Variants in FOXP1 observed in about 807,000 individuals in gnomAD.
FOXP1 encodes forkhead box P1, also known as forkhead box protein P1.
In FOXP1, 15 loss-of-function variants were observed where a neutral mutation model predicts 98.2. That is an observed-to-expected ratio of 0.15 (90% CI 0.10 to 0.24). FOXP1 has a LOEUF of 0.24. Ranked by LOEUF, FOXP1 falls within the 10% of genes least tolerant of loss-of-function variation. FOXP1 has a pLI of 1.00. For synonymous variants in FOXP1, 371 were observed against 314.5 expected, an observed-to-expected ratio of 1.18 and a Z score of -1.90; for missense variants, 633 against 848.5, an observed-to-expected ratio of 0.75 and a Z score of 3.15.
At chr3:71,272,427 C>T (rs147362200) in intron 5 of FOXP1, among the ~76,000 whole-genome samples, 159 of 152,188 alleles carry the variant, frequency 1.0e-3, no homozygotes, top group Non-Finnish European at 1.5e-3. Flanking sequence ...CCATATTGCT[C>T]CCATGGGTCT....
At chr3:71,385,818 A>T (rs922299888) in intron 3 of FOXP1, among the ~76,000 whole-genome samples, 1 of 151,564 alleles carries the variant, frequency 6.6e-6, no homozygotes, top group Non-Finnish European at 1.5e-5. Context: ...TTTTCCCCGC[A>T]CCTCTCTAAA....
At chr3:71,502,943 C>A in intron 2 of FOXP1, among the ~76,000 whole-genome samples, 1 of 142,716 alleles carries the variant, frequency 7.0e-6, no homozygotes, top group South Asian at 2.2e-4. Flanking sequence ...CTTTTGAGAT[C>A]TGTTTTCTGT....
Position 71,521,060 on chromosome 3 carries a change from T to C in FOXP1, c.-297-27505A>G, listed in dbSNP as rs142487655. 1.1e-4 allele frequency among the ~76,000 whole-genome samples: 16 copies of C among 152,216 alleles called. No individual in the cohort carries two copies. In the East Asian group the frequency reaches 1.9e-3, roughly 18 times the overall value. On this transcript the variant is annotated intron_variant, in intron 2 of 20. Coordinates refer to ENST00000649528, the MANE Select transcript of FOXP1 (RefSeq NM_001349338.3). ...ATAATGGGGAAAAAGCCATGATCCA[T>C]GAAGATGACAGAGAAATACAATTAA...
chr3:70,966,231 T>C, intron 19 of FOXP1, 175 bp from the exon 20 acceptor site: 1 of 664,192 alleles, frequency 1.5e-6, no homozygotes, highest in Non-Finnish European at 2.7e-6. Flanking sequence ...GTGGCACCTG[T>C]CCCAAGCTTG....
chr3:71,109,350 G>A (rs940157097), intron 7 of FOXP1, among the ~76,000 whole-genome samples: 5 of 151,920 alleles, frequency 3.3e-5, no homozygotes, highest in Admixed American at 1.3e-4. Flanking sequence ...TGAAACCAGA[G>A]AGCGCTGCCA....
chr3:71,569,975 A>G (rs2047211433), intron 2 of FOXP1, among the ~76,000 whole-genome samples: 2 of 152,072 alleles, frequency 1.3e-5, no homozygotes, highest in African/African-American at 4.8e-5. Context: ...GTTTCACTGT[A>G]TTAGCCAGGA....
chr3:71,201,368 G>C (rs558873754), intron 5 of FOXP1, among the ~76,000 whole-genome samples: 1 of 152,168 alleles, frequency 6.6e-6, no homozygotes, highest in Non-Finnish European at 1.5e-5. Context: ...GAAAAGAGCC[G>C]GGTGCAGTGG....
chr3:71,312,895 G>A (rs187464326), intron 4 of FOXP1, among the ~76,000 whole-genome samples: 26 of 152,226 alleles, frequency 1.7e-4, no homozygotes, highest in Non-Finnish European at 2.5e-4. Context: ...GGAGGCTGAG[G>A]TGGAAGAATT....
chr3:71,414,922 A>G (rs2083093831), intron 3 of FOXP1, among the ~76,000 whole-genome samples: 1 of 152,222 alleles, frequency 6.6e-6, no homozygotes, highest in African/African-American at 2.4e-5. Flanking sequence ...TTAATAATCC[A>G]TTACCATGTT....
rs549451083 is a variant in FOXP1, at chr3:71,440,108, T to A, written c.-168+53318A>T. ...AGAGTTGTCAAATTCATAGACAAAG[T>A]AGAATGCTGGTTGCCAGGGGAGGAG... is the stretch of plus-strand genomic sequence containing the variant. On this transcript the variant is annotated intron_variant, in intron 3 of 20. Coordinates refer to ENST00000649528, the MANE Select transcript of FOXP1 (RefSeq NM_001349338.3). Among the ~76,000 whole-genome samples, 3 of 152,150 alleles carry A rather than the reference T, an allele frequency of 2.0e-5. No homozygotes were observed. The East Asian group carries it at 5.8e-4, about 29-fold the overall frequency.
At chr3:71,090,695 T>A (rs1439604490) in intron 7 of FOXP1, among the ~76,000 whole-genome samples, 1 of 152,168 alleles carries the variant, frequency 6.6e-6, no homozygotes, top group Non-Finnish European at 1.5e-5. Flanking sequence ...GGAAGCATGA[T>A]CATTGCACTC....
chr3:71,582,268 C>T (rs552537505), intron 1 of FOXP1: 4 of 983,962 alleles, frequency 4.1e-6, no homozygotes, highest in South Asian at 9.4e-5. Context: ...AGTTTCCGAG[C>T]GCGACGTTGT....
chr3:71,044,150 T>C (rs2048715907), intron 10 of FOXP1, among the ~76,000 whole-genome samples: 1 of 152,138 alleles, frequency 6.6e-6, no homozygotes, highest in Non-Finnish European at 1.5e-5. Flanking sequence ...ACAGCTAAGA[T>C]CTCATGTTAG....
At chr3:71,567,233 C>A (rs2046980301) in intron 2 of FOXP1, among the ~76,000 whole-genome samples, 1 of 151,920 alleles carries the variant, frequency 6.6e-6, no homozygotes, top group African/African-American at 2.4e-5. Flanking sequence ...AGAAACAATT[C>A]TCATTATTAA....
At chr3:71,534,634 T>C (rs2044143617) in intron 2 of FOXP1, among the ~76,000 whole-genome samples, 1 of 152,212 alleles carries the variant, frequency 6.6e-6, no homozygotes, top group African/African-American at 2.4e-5. Flanking sequence ...ATGCAGATCT[T>C]TGGCTCAACC....
chr3:71,371,958 A>C (rs964842170), intron 3 of FOXP1, among the ~76,000 whole-genome samples: 1 of 151,926 alleles, frequency 6.6e-6, no homozygotes, highest in South Asian at 2.1e-4. Context: ...TCTCTGCAGG[A>C]AAGGTTCTTC....
At chr3:71,458,214 T>G (rs947384924) in intron 3 of FOXP1, among the ~76,000 whole-genome samples, 1 of 152,246 alleles carries the variant, frequency 6.6e-6, no homozygotes, top group Non-Finnish European at 1.5e-5. Context: ...TCAAGAAAGA[T>G]GCAGCCCAGA....
chr3:71,492,859 T>C (rs1194967743), intron 3 of FOXP1, among the ~76,000 whole-genome samples: 3 of 152,220 alleles, frequency 2.0e-5, no homozygotes, highest in Non-Finnish European at 4.4e-5. Context: ...AATATCATCA[T>C]GTCCTTTCTA....
intron 3 of FOXP1, among the ~76,000 whole-genome samples, chr3:71,440,276 A>G (rs1174811000): frequency 6.6e-6 from 1 of 152,176 alleles, no homozygotes; most frequent in Non-Finnish European, 1.5e-5. Flanking sequence ...ATTAAAAATA[A>G]CAAACAAGTC....
Sources: gnomAD v4.1 joint callset for allele counts (sites outside exome capture counted in the v4.1 genomes callset) on GRCh38, gnomAD v4.1.1 for gene constraint, MANE v1.5 for transcripts, NCBI Gene and HGNC (gene_info 2026-07-23, HGNC 2026-07-21) for gene names.